Variants in KHDRBS2 observed in about 807,000 individuals in gnomAD.
KHDRBS2 encodes the protein KH domain-containing, RNA-binding, signal transduction-associated protein 2.
In KHDRBS2, 26 loss-of-function variants were observed where a neutral mutation model predicts 44.3. The observed-to-expected ratio is 0.59, with a 90% confidence interval of 0.43 to 0.81. The LOEUF (loss-of-function observed/expected upper bound fraction) is 0.81, where lower values mean the gene tolerates loss of function less well. KHDRBS2 is among the 40% of genes least tolerant of loss of function. The probability of loss-of-function intolerance (pLI) is 0.00; values close to 1 mark genes in which losing one functional copy is unlikely to be tolerated. For synonymous variants in KHDRBS2, 194 were observed against 151.1 expected (o/e 1.28, Z -2.08); for missense variants, 476 against 433.1 (o/e 1.10, Z -0.88).
intron 6 of KHDRBS2, among the ~76,000 whole-genome samples, chr6:61,826,495 G>A (rs1325311572): frequency 6.6e-6 from 1 of 151,976 alleles, no homozygotes; most frequent in South Asian, 2.1e-4. Flanking sequence ...CCCTTTCAGA[G>A]AAGGGGTTTT....
chr6:61,985,439 C>A (rs1774869443), intron 3 of KHDRBS2, among the ~76,000 whole-genome samples: 1 of 152,248 alleles, frequency 6.6e-6, no homozygotes, highest in South Asian at 2.1e-4. Flanking sequence ...TGCCTTAGAA[C>A]TACTAACTGT....
rs552297931 is a variant in KHDRBS2 at position 61,734,453 on chromosome 6, T to C, written c.811-1689A>G. On this transcript the variant is annotated intron_variant, in intron 6 of 8. Coordinates refer to ENST00000281156, the MANE Select transcript of KHDRBS2 (RefSeq NM_152688.4). ...AGTATTTTCATCTATTATTTTAGTA[T>C]TCATTTTTGTGTTATTAAGTAATAT... Among the ~76,000 whole-genome samples, 61 of 152,248 alleles carry C rather than the reference T, an allele frequency of 4.0e-4. No individual in the cohort carries two copies. The South Asian group carries it at 7.9e-3, about 20-fold the overall frequency.
Position 62,040,409 on chromosome 6 carries a change from C to T in KHDRBS2, c.336+7469G>A, listed in dbSNP as rs183168336. Among the ~76,000 whole-genome samples, 628 of 152,014 alleles carry T rather than the reference C, an allele frequency of 4.1e-3. 5 individuals are homozygous for T. Among genetic ancestry groups the T allele is most frequent in the Non-Finnish European group, 5.1e-3 (346 of 67,958 alleles). On this transcript the variant is annotated intron_variant, in intron 3 of 8. Coordinates refer to ENST00000281156, the MANE Select transcript of KHDRBS2 (RefSeq NM_152688.4). ...AACTAACCATGATACATTTAGTGGT[C>T]TAAAATAATGATTTTAATATTATTA...
At chr6:62,102,687 G>A (rs1169310474) in intron 2 of KHDRBS2, among the ~76,000 whole-genome samples, 1 of 152,210 alleles carries the variant, frequency 6.6e-6, no homozygotes, top group African/African-American at 2.4e-5. Context: ...CCAGGCACCA[G>A]CAGAGGGTGG....
chr6:61,791,014 T>C (rs1270642799), intron 6 of KHDRBS2, among the ~76,000 whole-genome samples: 1 of 151,546 alleles, frequency 6.6e-6, no homozygotes, highest in Non-Finnish European at 1.5e-5. Flanking sequence ...TTCTGGAAAT[T>C]TGTTCATTTA....
chr6:62,018,309 G>A (rs1439520747), intron 3 of KHDRBS2, among the ~76,000 whole-genome samples: 2 of 6,182 alleles, frequency 3.2e-4, no homozygotes, highest in Non-Finnish European at 1.6e-3. Flanking sequence ...ATGTGTGTGT[G>A]TGTGTGTGTG....
At chr6:62,100,920 G>C (rs764616621) in intron 2 of KHDRBS2, among the ~76,000 whole-genome samples, 8 of 152,078 alleles carry the variant, frequency 5.3e-5, no homozygotes, top group Non-Finnish European at 1.2e-4. Context: ...TTGTATTACA[G>C]CTATAGATTT....
chr6:62,192,731 G>A (rs1824878343), intron 1 of KHDRBS2, among the ~76,000 whole-genome samples: 1 of 152,022 alleles, frequency 6.6e-6, no homozygotes. Context: ...CTTGCCCCAG[G>A]GCACAGTTTC....
At chr6:61,630,136 ATTAT>A in the KHDRBS2 span, 1 of 152,206 alleles carries the variant, frequency 6.6e-6, no homozygotes, top group Non-Finnish European at 1.5e-5. Context: ...GAAAAGTTCA[ATTAT>A]TTTTACTATC....
chr6:62,178,227 GAGA>G, intron 1 of KHDRBS2, among the ~76,000 whole-genome samples: 1 of 151,646 alleles, frequency 6.6e-6, no homozygotes, highest in East Asian at 1.9e-4. Flanking sequence ...CTGAATGACA[GAGA>G]AGAATAAGCC....
chr6:62,152,328 A>G (rs1365994673), intron 2 of KHDRBS2, among the ~76,000 whole-genome samples: 1 of 152,198 alleles, frequency 6.6e-6, no homozygotes, highest in Non-Finnish European at 1.5e-5. Context: ...TCAAACAAAA[A>G]CAAAAAACAA....
chr6:61,604,557 C>T, the KHDRBS2 span, among the ~76,000 whole-genome samples: 4 of 152,272 alleles, frequency 2.6e-5, no homozygotes, highest in African/African-American at 7.2e-5. Flanking sequence ...GGTTACAAGC[C>T]GCTAGCCTGT....
At chr6:61,759,100 G>A (rs1778913258) in intron 6 of KHDRBS2, among the ~76,000 whole-genome samples, 1 of 152,016 alleles carries the variant, frequency 6.6e-6, no homozygotes, top group Admixed American at 6.6e-5. Context: ...ATTTTCAAAG[G>A]ACTTCAAGCC....
chr6:62,285,660 T>A (rs934591794), intron 1 of KHDRBS2, among the ~76,000 whole-genome samples, 198 bp downstream of exon 1: 2 of 152,150 alleles, frequency 1.3e-5, no homozygotes, highest in African/African-American at 4.8e-5. Context: ...CTTCTCCAAA[T>A]TAAGACGTGG....
At chr6:61,779,282 T>G (rs529858906) in intron 6 of KHDRBS2, among the ~76,000 whole-genome samples, 1 of 152,226 alleles carries the variant, frequency 6.6e-6, no homozygotes, top group East Asian at 1.9e-4. Context: ...CTCAGAAATA[T>G]CCTCCCATTG....
chr6:62,126,684 G>A (rs886284065), intron 2 of KHDRBS2, among the ~76,000 whole-genome samples: 1 of 152,144 alleles, frequency 6.6e-6, no homozygotes, highest in African/African-American at 2.4e-5. Flanking sequence ...GGTATATTTT[G>A]CCTCCTTCTT....
chr6:61,619,818 C>T, the KHDRBS2 span, among the ~76,000 whole-genome samples: 1 of 152,122 alleles, frequency 6.6e-6, no homozygotes, highest in Non-Finnish European at 1.5e-5. Flanking sequence ...TTCATCCACT[C>T]AGTTGATCGG....
chr6:61,955,840 T>C (rs977265758), intron 4 of KHDRBS2, among the ~76,000 whole-genome samples: 4 of 152,020 alleles, frequency 2.6e-5, no homozygotes, highest in African/African-American at 9.7e-5. Context: ...TCCTATGAGG[T>C]CAGCACTATA....
At chr6:61,983,150 C>T (rs1379873272) in intron 3 of KHDRBS2, among the ~76,000 whole-genome samples, 1 of 149,006 alleles carries the variant, frequency 6.7e-6, no homozygotes, top group Non-Finnish European at 1.5e-5. Flanking sequence ...GAATTATGTG[C>T]ATCAAATCAG....
Sources: allele counts gnomAD v4.1 joint callset (sites outside exome capture counted in the v4.1 genomes callset), GRCh38; gene constraint gnomAD v4.1.1; transcripts MANE v1.5; gene names NCBI Gene and HGNC (gene_info 2026-07-23, HGNC 2026-07-21).